The following NR2F1-AS1 variants were observed in gnomAD, a reference collection of about 807,000 sequenced individuals.
NR2F1-AS1 encodes the protein NR2F1 antisense RNA 1.
At chr5:93,527,876 C>T (rs189178592) in intron 4 of NR2F1-AS1, among the ~76,000 whole-genome samples, 2 of 152,238 alleles carry the variant, frequency 1.3e-5, no homozygotes, top group East Asian at 3.9e-4. Context: ...AAATGTAAGA[C>T]CTAAAACCAT....
intron 4 of NR2F1-AS1, among the ~76,000 whole-genome samples, chr5:93,525,595 C>T (rs1751596042): frequency 6.6e-6 from 1 of 152,110 alleles, no homozygotes. Context: ...CTAAAATTGA[C>T]CACATAATTA....
intron 4 of NR2F1-AS1, among the ~76,000 whole-genome samples, chr5:93,527,915 A>T (rs993920581): frequency 5.3e-5 from 8 of 152,318 alleles, no homozygotes; most frequent in Non-Finnish European, 7.3e-5. Flanking sequence ...CCTAGGCAAT[A>T]CCACTCAGGA....
chr5:93,413,546 C>G (rs1266938110), intron 4 of NR2F1-AS1, among the ~76,000 whole-genome samples: 1 of 152,158 alleles, frequency 6.6e-6, no homozygotes, highest in Non-Finnish European at 1.5e-5. Context: ...CTTCTCTGAG[C>G]TGAGCTCATC....
At chr5:93,427,918 AAGAGAG>A (rs995520340) in intron 4 of NR2F1-AS1, among the ~76,000 whole-genome samples, 1 of 150,826 alleles carries the variant, frequency 6.6e-6, no homozygotes, top group African/African-American at 2.4e-5. Context: ...AAGAGAGAGA[AAGAGAG>A]AGAGAGAGAG....
intron 4 of NR2F1-AS1, among the ~76,000 whole-genome samples, chr5:93,550,004 T>C (rs1309899162): frequency 6.6e-6 from 1 of 151,748 alleles, no homozygotes; most frequent in Admixed American, 6.6e-5. Context: ...TTAGGAGAAA[T>C]ACCTAATGTA....
intron 4 of NR2F1-AS1, among the ~76,000 whole-genome samples, chr5:93,482,290 C>A (rs193239688): frequency 1.8e-4 from 28 of 152,216 alleles, no homozygotes; most frequent in Middle Eastern, 3.4e-3. Context: ...GTGGGTGCAG[C>A]CTGCAGAGGA....
intron 4 of NR2F1-AS1, among the ~76,000 whole-genome samples, chr5:93,532,622 G>A (rs961165177): frequency 1.3e-5 from 2 of 152,220 alleles, no homozygotes; most frequent in African/African-American, 4.8e-5. Context: ...GAAGTCTTAT[G>A]AGAGAATTCT....
intron 4 of NR2F1-AS1, among the ~76,000 whole-genome samples, chr5:93,488,949 T>C (rs1750782192): frequency 6.6e-6 from 1 of 152,002 alleles, no homozygotes; most frequent in East Asian, 1.9e-4. Context: ...TCCTTTGCAG[T>C]GACATGGATG....
At chr5:93,517,386 T>C (rs1284879403) in intron 4 of NR2F1-AS1, among the ~76,000 whole-genome samples, 2 of 152,012 alleles carry the variant, frequency 1.3e-5, no homozygotes, top group Non-Finnish European at 2.9e-5. Flanking sequence ...GTAAGAAACA[T>C]GCTGGTGATA....
At chr5:93,409,905 C>T (rs944552892) in intron 4 of NR2F1-AS1, 3 of 152,042 alleles carry the variant, frequency 2.0e-5, no homozygotes, top group Non-Finnish European at 4.4e-5. Flanking sequence ...GTGCTATTGG[C>T]AGTATGTATT....
chr5:93,460,651 T>C (rs984036038), intron 4 of NR2F1-AS1, among the ~76,000 whole-genome samples: 1 of 152,038 alleles, frequency 6.6e-6, no homozygotes, highest in African/African-American at 2.4e-5. Context: ...CTAATTGACA[T>C]TAAAATTTCA....
At chr5:93,494,951 T>C (rs1337151618) in intron 4 of NR2F1-AS1, among the ~76,000 whole-genome samples, 1 of 152,166 alleles carries the variant, frequency 6.6e-6, no homozygotes, top group Non-Finnish European at 1.5e-5. Flanking sequence ...ACAGGTCACA[T>C]ATTGTATGGT....
chr5:93,567,242 T>G (rs1169726947), intron 1 of NR2F1-AS1, among the ~76,000 whole-genome samples: 1 of 152,066 alleles, frequency 6.6e-6, no homozygotes, highest in Non-Finnish European at 1.5e-5. Flanking sequence ...TTTTCCTGGG[T>G]TAAACGGAAT....
intron 1 of NR2F1-AS1, chr5:93,570,607 C>CG (rs1752732583): frequency 6.6e-6 from 1 of 152,222 alleles, no homozygotes; most frequent in South Asian, 2.1e-4. Flanking sequence ...TGCGCCACCC[C>CG]CGGTCGGGCC....
chr5:93,553,884 G>T lies in NR2F1-AS1; in HGVS notation n.536-21C>A, dbSNP rs1245264406. ...TACATCTGTAAGATGATTATTACCAGTGGTCACAGAAAATAACAAAATAAA... is the reference window on the plus strand; with the variant it reads ...TACATCTGTAAGATGATTATTACCATTGGTCACAGAAAATAACAAAATAAA... On this transcript the variant is annotated intron_variant and non_coding_transcript_variant, in intron 3 of 5. Transcript: ENST00000660523. The T allele has an allele frequency of 2.0e-5, 3 of 152,246 alleles. No homozygotes were observed. In the East Asian group the frequency reaches 5.8e-4, roughly 29 times the overall value. The allele number at this position is 152,246 out of a possible 1,614,324, so 9.4% of individuals were successfully genotyped here.
chr5:93,549,487 T>C (rs780589362), intron 4 of NR2F1-AS1, among the ~76,000 whole-genome samples: 12 of 152,196 alleles, frequency 7.9e-5, no homozygotes, highest in Non-Finnish European at 1.0e-4. Context: ...GGTCCTTATA[T>C]ACACAAAGCT....
intron 1 of NR2F1-AS1, among the ~76,000 whole-genome samples, chr5:93,572,241 G>T (rs1010186126): frequency 2.0e-5 from 3 of 152,354 alleles, no homozygotes; most frequent in Non-Finnish European, 2.9e-5. Flanking sequence ...CTCTGTCCTG[G>T]CGCTGGGGCC....
intron 1 of NR2F1-AS1, among the ~76,000 whole-genome samples, chr5:93,574,419 G>A (rs960218189): frequency 6.6e-5 from 10 of 152,152 alleles, no homozygotes; most frequent in Non-Finnish European, 1.2e-4. Flanking sequence ...CAGAGAAAGC[G>A]ACTGGGTTCT....
In NR2F1-AS1 at chr5:93,447,178, G is replaced by A. The variant is rs996621021; in HGVS notation, n.639-51636C>T. Among the ~76,000 whole-genome samples, 28 of 152,140 alleles carry A rather than the reference G, an allele frequency of 1.8e-4. 1 individual carries two copies. The highest frequency in any genetic ancestry group is 3.2e-4 in the Non-Finnish European group (22 of 68,026). ...CATGACTAAAACACCAAAAGCAATG[G>A]CAACAAAAGCCAAAATTGACAAAGG... On this transcript the variant is annotated intron_variant and non_coding_transcript_variant, in intron 4 of 5. Coordinates refer to ENST00000660523, the Ensembl canonical transcript of NR2F1-AS1.
Sources: gnomAD v4.1 joint callset for allele counts (sites outside exome capture counted in the v4.1 genomes callset) on GRCh38, gnomAD v4.1.1 for gene constraint, MANE v1.5 for transcripts, NCBI Gene and HGNC (gene_info 2026-07-23, HGNC 2026-07-21) for gene names.